The following PSD3 variants were observed in gnomAD, a reference collection of about 807,000 sequenced individuals.
PSD3 encodes the protein PH and SEC7 domain-containing protein 3.
In PSD3, 49 loss-of-function variants were observed where a neutral mutation model predicts 105.5. The observed-to-expected ratio is 0.46, with a 90% CI of 0.37 to 0.59. The LOEUF (loss-of-function observed/expected upper bound fraction) is 0.59. Ranked by LOEUF, PSD3 falls within the 20% of genes least tolerant of loss-of-function variation. The pLI is 0.00. For missense variants in PSD3, 1,561 were observed against 1,263.8 expected, an observed-to-expected ratio of 1.24 and a Z score of -3.57; for synonymous variants, 557 against 457.8, an observed-to-expected ratio of 1.22 and a Z score of -2.77.
chr8:18,687,058 AC>A (rs1423092676), intron 9 of PSD3, among the ~76,000 whole-genome samples: 1 of 152,180 alleles, frequency 6.6e-6, no homozygotes, highest in East Asian at 1.9e-4. Context: ...AGAGGCCAAA[AC>A]AGAACCTGGT....
At chr8:18,872,783 C>G (rs1817480879) in intron 2 of PSD3, 50 bp from the exon 3 acceptor site, 1 of 1,467,922 alleles carries the variant, frequency 6.8e-7, no homozygotes, top group African/African-American at 1.4e-5. Flanking sequence ...AAGACAGGGC[C>G]CAGTAGGTAA....
intron 1 of PSD3, among the ~76,000 whole-genome samples, chr8:19,019,418 G>A (rs1159399982): frequency 6.6e-6 from 1 of 152,044 alleles, no homozygotes; most frequent in Non-Finnish European, 1.5e-5. Flanking sequence ...TAAAGGAAAG[G>A]GTTTTTATTT....
chr8:18,658,027 C>A (rs916526142), intron 9 of PSD3, among the ~76,000 whole-genome samples: 2 of 152,150 alleles, frequency 1.3e-5, no homozygotes, highest in African/African-American at 2.4e-5. Context: ...TTTAAAAATT[C>A]TTGCTATTCA....
At chr8:18,704,557 G>C (rs1028683506) in intron 9 of PSD3, among the ~76,000 whole-genome samples, 3 of 152,266 alleles carry the variant, frequency 2.0e-5, no homozygotes, top group African/African-American at 7.2e-5. Flanking sequence ...AGGCTGGCTG[G>C]TCTTGAACTC....
chr8:18,823,627 C>T (rs1812926282), intron 4 of PSD3, among the ~76,000 whole-genome samples: 1 of 152,190 alleles, frequency 6.6e-6, no homozygotes, highest in South Asian at 2.1e-4. Flanking sequence ...TCACACAGTA[C>T]TGTCACATGC....
chr8:18,591,339 G>C (rs1303310389), intron 12 of PSD3, among the ~76,000 whole-genome samples: 3 of 152,248 alleles, frequency 2.0e-5, no homozygotes, highest in South Asian at 2.1e-4. Flanking sequence ...GGTTCAATTG[G>C]AATACTGAGG....
chr8:18,846,867 C>T (rs1462450497), intron 4 of PSD3, among the ~76,000 whole-genome samples: 4 of 152,082 alleles, frequency 2.6e-5, no homozygotes, highest in Non-Finnish European at 5.9e-5. Context: ...GGCCCAACAA[C>T]CTCATTTTAA....
chr8:18,707,105 C>A (rs565421035), intron 9 of PSD3, among the ~76,000 whole-genome samples: 27 of 152,298 alleles, frequency 1.8e-4, no homozygotes, highest in African/African-American at 6.5e-4. Context: ...CCACTCCACA[C>A]ATGTATACAC....
At chr8:18,663,687 C>T (rs1001722923) in intron 9 of PSD3, among the ~76,000 whole-genome samples, 7 of 152,162 alleles carry the variant, frequency 4.6e-5, no homozygotes, top group African/African-American at 1.7e-4. Context: ...ATGAATAACA[C>T]TATTCTAAAT....
intron 1 of PSD3, among the ~76,000 whole-genome samples, chr8:19,030,583 C>T (rs1220923612): frequency 6.6e-6 from 1 of 152,130 alleles, no homozygotes; most frequent in East Asian, 1.9e-4. Flanking sequence ...GACTTGTCCT[C>T]TCCCCCTTCA....
intron 2 of PSD3, among the ~76,000 whole-genome samples, chr8:18,914,919 C>T (rs186530413): frequency 5.8e-4 from 88 of 152,250 alleles, no homozygotes; most frequent in South Asian, 1.7e-3. Flanking sequence ...CAAAACAAAG[C>T]TGGAGGCATC....
intron 2 of PSD3, among the ~76,000 whole-genome samples, chr8:18,884,336 AT>A: frequency 6.6e-6 from 1 of 152,232 alleles, no homozygotes; most frequent in East Asian, 1.9e-4. Context: ...CAAATTTGCA[AT>A]GCAATAGTAA....
At position 18,872,099 on chromosome 8, in the gene PSD3, G is replaced by A. The variant is rs776714865; in HGVS notation, c.765C>T (p.Ser255=). The A allele has an allele frequency of 4.1e-5, 66 of 1,614,010 alleles. No homozygotes were observed. The highest frequency in any genetic ancestry group is 5.4e-5 in the Non-Finnish European group (64 of 1,180,024). ...EPSCPLASLG[S]SAVTCHSAGS... ...CTGCAGAGTGGCAGGTCACTGCTGA[G>A]CTCCCGAGGGAGGCCAAAGGACAAG... is the stretch of plus-strand genomic sequence containing the variant. Residue 255 remains serine (S), a synonymous_variant, in exon 3 of 16, where the codon AGC becomes AGT. Transcript: ENST00000327040.
intron 9 of PSD3, among the ~76,000 whole-genome samples, chr8:18,714,773 T>C (rs1453778785): frequency 6.6e-6 from 1 of 152,206 alleles, no homozygotes; most frequent in Non-Finnish European, 1.5e-5. Context: ...AGCAATCCCA[T>C]TACTGGGTAT....
At chr8:18,960,653 T>C (rs1306644926) in intron 1 of PSD3, among the ~76,000 whole-genome samples, 1 of 152,212 alleles carries the variant, frequency 6.6e-6, no homozygotes, top group East Asian at 1.9e-4. Flanking sequence ...ACACTTTCTA[T>C]GTATAACCAA....
At position 19,066,646 on chromosome 8, in the gene PSD3, T is replaced by A. The variant is rs117015247; in HGVS notation, c.324+17560A>T. Among the ~76,000 whole-genome samples, 155 of 152,364 alleles carry A rather than the reference T, an allele frequency of 1.0e-3. 3 individuals are homozygous for A. The East Asian group carries it at 0.021, about 20-fold the overall frequency. ...CTCATATTCAGAGGTTATCTCCAAC[T>A]AGTTGTGAGCCTTGGGGATGTTTTT... is the stretch of plus-strand genomic sequence containing the variant. On this transcript the variant is annotated intron_variant, in intron 1 of 1. Coordinates refer to the PSD3 transcript ENST00000521475.
chr8:18,697,145 A>AT (rs1801305841), intron 9 of PSD3, among the ~76,000 whole-genome samples: 1 of 152,114 alleles, frequency 6.6e-6, no homozygotes, highest in Non-Finnish European at 1.5e-5. Flanking sequence ...ATTTTACATT[A>AT]TTTTTTCTGC....
chr8:18,937,854 G>A (rs768636981), intron 1 of PSD3, among the ~76,000 whole-genome samples: 23 of 152,130 alleles, frequency 1.5e-4, no homozygotes, highest in Non-Finnish European at 2.6e-4. Flanking sequence ...AGAAACTAAC[G>A]CCTGCAGAGA....
chr8:18,658,515 T>C (rs1809065560), intron 9 of PSD3, among the ~76,000 whole-genome samples: 1 of 146,106 alleles, frequency 6.8e-6, no homozygotes, highest in Admixed American at 7.0e-5. Flanking sequence ...TAATAGATAC[T>C]ATATAATTCT....
Sources: allele counts gnomAD v4.1 joint callset (sites outside exome capture counted in the v4.1 genomes callset), GRCh38; gene constraint gnomAD v4.1.1; transcripts MANE v1.5; gene names NCBI Gene and HGNC (gene_info 2026-07-23, HGNC 2026-07-21).